The following MLANA variants were observed in gnomAD, a reference collection of about 807,000 sequenced individuals.
MLANA encodes the protein melanoma antigen recognized by T-cells 1.
MLANA carries 21 observed loss-of-function variants against 15.7 expected under a neutral mutation model. The ratio of observed to expected loss-of-function variants is 1.33; its 90% confidence interval spans 0.95 to 1.92. MLANA has a LOEUF of 1.92. Ranked by LOEUF, MLANA falls within the 40% of genes most tolerant of loss-of-function variation. The pLI, the probability that MLANA is intolerant of heterozygous loss-of-function variation, is 0.00. For missense variants in MLANA, 164 were observed against 143.8 expected (o/e 1.14, Z -0.72); for synonymous variants, 56 against 51.5 (o/e 1.09, Z -0.37).
chr9:5,894,009 G>A lies in MLANA; in HGVS notation c.77+1458G>A, dbSNP rs531187755. Among the ~76,000 whole-genome samples, 2 of 151,624 alleles carry A rather than the reference G, an allele frequency of 1.3e-5. No individual in the cohort carries two copies. The highest frequency in any genetic ancestry group is 2.9e-5 in the Non-Finnish European group (2 of 67,978). On this transcript the variant is annotated intron_variant, in intron 2 of 4. Transcript: ENST00000381477. The surrounding 1 kb of genome is among the most constrained non-coding windows in gnomAD (Gnocchi z 4.0). ...TAGGAAATGTGTGGCCAGACATGGT[G>A]GCGCTGGGATTTAAATCCAGGTCTG... is the stretch of plus-strand genomic sequence containing the variant.
At chr9:5,907,207 G>C (rs1832873761) in intron 4 of MLANA, 1 of 330,316 alleles carries the variant, frequency 3.0e-6, no homozygotes, top group South Asian at 1.1e-4. Flanking sequence ...GGGAAGTACA[G>C]ATATTTTCTT....
At chr9:5,908,326 T>C (rs28431078) in intron 4 of MLANA, among the ~76,000 whole-genome samples, 5,880 of 152,298 alleles carry the variant, frequency 0.039, 306 homozygotes, top group South Asian at 0.12. Context: ...ATGTATATGG[T>C]GTCTATAAAT....
chr9:5,905,040 T>C (rs1335934028), intron 3 of MLANA, among the ~76,000 whole-genome samples: 3 of 152,224 alleles, frequency 2.0e-5, no homozygotes, highest in Non-Finnish European at 4.4e-5. Flanking sequence ...CCCAAAGTGC[T>C]GCGATTACAG....
At chr9:5,892,316 C>T in intron 1 of MLANA, 134 bp from the exon 2 acceptor site, 2 of 498,070 alleles carry the variant, frequency 4.0e-6, no homozygotes, top group Non-Finnish European at 6.8e-6. Context: ...TGCAAATCCC[C>T]TCACAGAGAG....
intron 3 of MLANA, among the ~76,000 whole-genome samples, chr9:5,903,318 A>G (rs551617018): frequency 1.3e-5 from 2 of 152,332 alleles, no homozygotes; most frequent in South Asian, 4.1e-4. Flanking sequence ...AGTAGCCTAC[A>G]GATGTCTATT....
chr9:5,894,860 A>T lies in MLANA; in HGVS notation c.77+2309A>T, dbSNP rs1586920995. Among the ~76,000 whole-genome samples, 1 of 152,302 alleles carries T rather than the reference A, an allele frequency of 6.6e-6. No individual in the cohort carries two copies. The highest frequency in any genetic ancestry group is 2.1e-4 in the South Asian group (1 of 4,830). ...CCAGCATCACAGAGCAGAGCATAGA[A>T]AGGTAGGTTTGGAGTTGAGGGACAA... On this transcript the variant is annotated intron_variant, in intron 2 of 4. Coordinates refer to ENST00000381477, the MANE Select transcript of MLANA (RefSeq NM_005511.2). The surrounding 1 kb of genome is among the most constrained non-coding windows in gnomAD (Gnocchi z 4.0).
chr9:5,903,581 G>A (rs905092589), intron 3 of MLANA, among the ~76,000 whole-genome samples: 2 of 152,192 alleles, frequency 1.3e-5, no homozygotes, highest in African/African-American at 4.8e-5. Context: ...CTGATAGAGA[G>A]ATGTTGAAGC....
chr9:5,892,655 T>C (rs1039560314), intron 2 of MLANA, 104 bp downstream of exon 2: 10 of 877,532 alleles, frequency 1.1e-5, no homozygotes, highest in Middle Eastern at 7.0e-4. Flanking sequence ...CCCTAGTGTT[T>C]ATCTCCCCAG....
In MLANA at chr9:5,910,399, C is replaced by T. The variant is rs1274150043; in HGVS notation, c.*1691C>T. On this transcript the variant is annotated 3_prime_UTR_variant, in exon 5 of 5. Coordinates refer to ENST00000381477, the MANE Select transcript of MLANA (RefSeq NM_005511.2). ...TTAACAAAATATTAAAATATTTCCC[C>T]ACTCTTCTGATACTGTCAAGTCTTA... 6.6e-6 allele frequency: 1 copy of T among 152,174 alleles called. No homozygotes were observed. The highest frequency in any genetic ancestry group is 2.4e-5 in the African/African-American group (1 of 41,430). 9.4% of individuals were successfully genotyped at this position (152,174 alleles called of 1,614,324 possible). A position where few individuals can be genotyped will look rare whatever the true frequency, so the allele number is the denominator to read the frequency against.
At chr9:5,905,920 T>G (rs961785227) in intron 3 of MLANA, among the ~76,000 whole-genome samples, 1 of 152,212 alleles carries the variant, frequency 6.6e-6, no homozygotes, top group Non-Finnish European at 1.5e-5. Flanking sequence ...ATTTTGCAGT[T>G]TTTTTCTTTC....
intron 3 of MLANA, among the ~76,000 whole-genome samples, chr9:5,900,468 T>C (rs1832340612): frequency 3.3e-5 from 5 of 152,230 alleles, no homozygotes; most frequent in African/African-American, 4.8e-5. Context: ...GGCAAAATTA[T>C]GTAAAATAGT....
intron 2 of MLANA, among the ~76,000 whole-genome samples, chr9:5,893,903 C>A (rs1348545647): frequency 5.9e-5 from 7 of 119,128 alleles, no homozygotes; most frequent in Admixed American, 4.1e-4. Flanking sequence ...TATTGCTCCA[C>A]CCCCGCCCCC....
chr9:5,897,324 T>A (rs1430375870), intron 2 of MLANA, among the ~76,000 whole-genome samples: 1 of 152,206 alleles, frequency 6.6e-6, no homozygotes, highest in Non-Finnish European at 1.5e-5. Flanking sequence ...GCCATGCCAA[T>A]TAGCAGAGTT....
At chr9:5,906,210 A>G (rs1832797478) in intron 3 of MLANA, among the ~76,000 whole-genome samples, 1 of 151,570 alleles carries the variant, frequency 6.6e-6, no homozygotes, top group Non-Finnish European at 1.5e-5. Flanking sequence ...GAAAGAAAGA[A>G]AAACAAAGTT....
chr9:5,906,871 A>C lies in MLANA; in HGVS notation c.175-14A>C, dbSNP rs765248340. On this transcript the variant is annotated splice_polypyrimidine_tract_variant and intron_variant, in intron 3 of 4. Transcript: ENST00000381477. ...TTCTTCTCACCCACTCACCTTTATC[A>C]ATTTACATTTCAGGATAAAAGTCTT... The C allele has an allele frequency of 6.6e-7, 1 of 1,515,638 alleles. No homozygotes were observed. Among genetic ancestry groups the C allele is most frequent in the Non-Finnish European group, 8.9e-7 (1 of 1,124,730 alleles). The allele number at this position is 1,515,638 out of a possible 1,614,324, so 93.9% of individuals were successfully genotyped here.
At chr9:5,904,243 T>G (rs1039032374) in intron 3 of MLANA, among the ~76,000 whole-genome samples, 1 of 144,982 alleles carries the variant, frequency 6.9e-6, no homozygotes, top group Non-Finnish European at 1.5e-5. Flanking sequence ...TGGGTCTTGT[T>G]TGTTGATCCA....
At chr9:5,905,327 G>A (rs982008399) in intron 3 of MLANA, among the ~76,000 whole-genome samples, 3 of 152,166 alleles carry the variant, frequency 2.0e-5, no homozygotes, top group African/African-American at 4.8e-5. Flanking sequence ...TGACGGGAAG[G>A]GAGGTGAGAG....
intron 3 of MLANA, among the ~76,000 whole-genome samples, chr9:5,899,543 A>G (rs1401481463): frequency 1.3e-5 from 2 of 152,182 alleles, no homozygotes; most frequent in African/African-American, 4.8e-5. Flanking sequence ...ACAAGACTCC[A>G]ATATTGGAGG....
At chr9:5,892,012 T>A (rs548958447) in intron 1 of MLANA, among the ~76,000 whole-genome samples, 1 of 152,326 alleles carries the variant, frequency 6.6e-6, no homozygotes, top group South Asian at 2.1e-4. Flanking sequence ...GTGGGATTGA[T>A]ATCCAACAAT....
Sources: allele counts gnomAD v4.1 joint callset (sites outside exome capture counted in the v4.1 genomes callset), GRCh38; gene constraint gnomAD v4.1.1; non-coding constraint Gnocchi (gnomAD v3.1); transcripts MANE v1.5; gene names NCBI Gene and HGNC (gene_info 2026-07-23, HGNC 2026-07-21).